NRDE2: variants seen among roughly 807,000 people sequenced by gnomAD.
The protein encoded by NRDE2 is NRDE-2, necessary for RNA interference, domain containing, also known as nuclear exosome regulator NRDE2.
NRDE2 carries 76 observed loss-of-function variants against 124.2 expected under a neutral mutation model. The observed-to-expected ratio is 0.61, with a 90% CI of 0.51 to 0.74. The LOEUF (loss-of-function observed/expected upper bound fraction) is 0.74. Ranked by LOEUF, NRDE2 falls within the 30% of genes least tolerant of loss-of-function variation. NRDE2 has a pLI of 0.00. For synonymous variants in NRDE2, 489 were observed against 528.1 expected, an observed-to-expected ratio of 0.93 and a Z score of 1.01; for missense variants, 1,314 against 1,417.3, an observed-to-expected ratio of 0.93 and a Z score of 1.17.
intron 11 of NRDE2, among the ~76,000 whole-genome samples, chr14:90,286,708 T>C (rs1306192633): frequency 1.3e-5 from 2 of 152,136 alleles, no homozygotes; most frequent in Non-Finnish European, 2.9e-5. Context: ...CCACATCGAA[T>C]CTGTCTTGAA....
In NRDE2 at chr14:90,290,537, T is replaced by A. The variant is rs1892246878; in HGVS notation, c.1913A>T (p.Glu638Val). 2 of 1,613,768 alleles carry A rather than the reference T, an allele frequency of 1.2e-6. No individual in the cohort carries two copies. Among genetic ancestry groups the A allele is most frequent in the Non-Finnish European group, 1.7e-6 (2 of 1,179,968 alleles). ...SSHDLQFQLV[E>V]AFLQFLGVPS... ...CACACCCAAGAACTGCAGGAAGGCC[T>A]CCACCAGCTGGAACTGAAGATCATG... Residue 638 changes from glutamate (E) to valine (V), a missense_variant, in exon 10 of 14, where the codon GAG becomes GTG. Transcript: ENST00000354366.
intron 1 of NRDE2, among the ~76,000 whole-genome samples, chr14:90,326,232 C>T (rs940743677): frequency 2.6e-5 from 4 of 152,140 alleles, no homozygotes; most frequent in African/African-American, 7.2e-5. Flanking sequence ...CGGTGGCTCA[C>T]GCCTGTAATC....
intron 11 of NRDE2, 63 bp from the exon 12 acceptor site, chr14:90,286,555 G>C (rs1403485728): frequency 6.4e-7 from 1 of 1,566,552 alleles, no homozygotes; most frequent in Non-Finnish European, 8.7e-7. Flanking sequence ...ACAGAAGGAA[G>C]AGATGCCTGA....
intron 10 of NRDE2, among the ~76,000 whole-genome samples, chr14:90,289,736 C>A (rs560247599): frequency 6.6e-6 from 1 of 152,188 alleles, no homozygotes; most frequent in Non-Finnish European, 1.5e-5. Flanking sequence ...TACAGGCACA[C>A]GCCACAACGC....
At chr14:90,292,148 G>A (rs977088965) in intron 9 of NRDE2, among the ~76,000 whole-genome samples, 1 of 152,152 alleles carries the variant, frequency 6.6e-6, no homozygotes, top group Non-Finnish European at 1.5e-5. Flanking sequence ...GAACTGCCTG[G>A]CACGCCACAG....
Position 90,290,242 on chromosome 14 carries a change from C to T in NRDE2, c.2208G>A (p.Trp736Ter), listed in dbSNP as rs1485742124. Residue 736 changes from tryptophan (W) to a stop codon, truncating the protein, a stop_gained, in exon 10 of 14, where the codon TGG becomes TGA. Coordinates refer to ENST00000354366, the MANE Select transcript of NRDE2 (RefSeq NM_017970.4). LOFTEE classifies it high-confidence loss of function. ...TTACCTTTGCAATCTCATACTGTAA[C>T]CAGGAGAAGCAGAGCTGGGACTTCT... ...GKEKSQLCFS[W>*]LQYEIAKVIW... 6.2e-7 allele frequency: 1 copy of T among 1,613,782 alleles called. No homozygotes were observed. Among genetic ancestry groups the T allele is most frequent in the East Asian group, 2.2e-5 (1 of 44,890 alleles).
intron 1 of NRDE2, among the ~76,000 whole-genome samples, chr14:90,327,752 C>A (rs893405210): frequency 1.3e-5 from 2 of 152,172 alleles, no homozygotes; most frequent in African/African-American, 4.8e-5. Context: ...GGCTCACGCA[C>A]TTTGGGAGGC....
chr14:90,324,398 G>C (rs773615289), intron 1 of NRDE2, among the ~76,000 whole-genome samples: 2 of 152,088 alleles, frequency 1.3e-5, no homozygotes, highest in Non-Finnish European at 2.9e-5. Context: ...ATTTTAGGCC[G>C]GGCGGGGTGG....
intron 3 of NRDE2, among the ~76,000 whole-genome samples, chr14:90,316,225 T>C (rs952754664): frequency 5.9e-5 from 9 of 152,162 alleles, no homozygotes; most frequent in Non-Finnish European, 2.9e-5. Context: ...AGAAAGAAGA[T>C]GTTTCTCCTA....
At chr14:90,306,573 G>A (rs1332628585) in intron 4 of NRDE2, among the ~76,000 whole-genome samples, 1 of 152,202 alleles carries the variant, frequency 6.6e-6, no homozygotes, top group Non-Finnish European at 1.5e-5. Context: ...CACTTTGGGA[G>A]GCTGAGGCGG....
rs1892233546 is a variant in NRDE2 at position 90,290,236 on chromosome 14, C to T, written c.2214G>A (p.Gln738=). ...CTGGAATTACCTTTGCAATCTCATA[C>T]TGTAACCAGGAGAAGCAGAGCTGGG... The part of the protein sequence containing the change: ...EKSQLCFSWL[Q]YEIAKVIWCL... Residue 738 remains glutamine (Q), a synonymous_variant, in exon 10 of 14, where the codon CAG becomes CAA. Transcript: ENST00000354366. 1 of 1,613,646 alleles carries T rather than the reference C, an allele frequency of 6.2e-7. No homozygotes were observed. The highest frequency in any genetic ancestry group is 8.5e-7 in the Non-Finnish European group (1 of 1,179,804).
At chr14:90,321,478 G>GAGA (rs1173638934) in intron 1 of NRDE2, among the ~76,000 whole-genome samples, 2 of 149,522 alleles carry the variant, frequency 1.3e-5, no homozygotes, top group Non-Finnish European at 3.0e-5. Flanking sequence ...TTGGGAAGCT[G>GAGA]AGAAGGGAGG....
At position 90,298,257 on chromosome 14, in the gene NRDE2, T is replaced by C. The variant is rs369680074; in HGVS notation, c.1666+3A>G. 4 of 1,613,244 alleles carry C rather than the reference T, an allele frequency of 2.5e-6. No homozygotes were observed. The highest frequency in any genetic ancestry group is 2.7e-5 in the African/African-American group (2 of 74,904). ...TACACGTCTTCAATGAGAGGTGACT[T>C]ACCTGGGTTGATGACCACCCAGCCA... On this transcript the variant is annotated splice_donor_region_variant and intron_variant, in intron 8 of 13. Transcript: ENST00000354366.
chr14:90,331,805 C>G (rs2139725592), intron 1 of NRDE2, 36 bp downstream of exon 1: 1 of 1,610,948 alleles, frequency 6.2e-7, no homozygotes, highest in Admixed American at 1.7e-5. Context: ...CTCTTAAGCC[C>G]CCCAGGTGCC....
At position 90,288,685 on chromosome 14, in the gene NRDE2, G is replaced by A; in HGVS notation, c.2690C>T (p.Thr897Ile). ...GCTAATTAGGCGGCTACAGGAATCG[G>A]TGGGAGCTGGATTGGAGACACAGCT... Reference protein sequence around the residue: ...GDSCVSNPAPTDSCSRLISLA... With the variant: ...GDSCVSNPAPIDSCSRLISLA... The change falls in exon 11 of 14, where the codon ACC becomes ATC. Residue 897 changes from threonine (T) to isoleucine (I), a missense_variant. Thr to Ile is a moderately conservative substitution (Grantham distance 89). Coordinates refer to ENST00000354366, the MANE Select transcript of NRDE2 (RefSeq NM_017970.4). 1 of 1,614,218 alleles carries A rather than the reference G, an allele frequency of 6.2e-7. No homozygotes were observed.
At chr14:90,320,410 G>A (rs1379869530) in intron 1 of NRDE2, among the ~76,000 whole-genome samples, 1 of 152,216 alleles carries the variant, frequency 6.6e-6, no homozygotes, top group African/African-American at 2.4e-5. Context: ...TCACTATCGT[G>A]AGAACAGCAT....
In NRDE2 at chr14:90,290,088, C is replaced by T. The variant is rs558453352; in HGVS notation, c.2229+133G>A. 228 of 918,766 alleles carry T rather than the reference C, an allele frequency of 2.5e-4. No homozygotes were observed. The African/African-American group carries it at 3.4e-3, about 14-fold the overall frequency. The allele number at this position is 918,766 out of a possible 1,614,324, so 56.9% of individuals were successfully genotyped here. ...CAGAAGGGCAAACACACACAAGGTG[C>T]CTTCAGGGTCACTGGAGGAGGAGGT... On this transcript the variant is annotated intron_variant, in intron 10 of 13. Coordinates refer to ENST00000354366, the MANE Select transcript of NRDE2 (RefSeq NM_017970.4).
intron 4 of NRDE2, among the ~76,000 whole-genome samples, chr14:90,306,850 C>T (rs938530524): frequency 6.6e-6 from 1 of 151,972 alleles, no homozygotes; most frequent in African/African-American, 2.4e-5. Context: ...CTAAACAAGG[C>T]TGCCATTCCC....
intron 4 of NRDE2, among the ~76,000 whole-genome samples, chr14:90,306,063 T>G (rs987553987): frequency 6.6e-6 from 1 of 152,180 alleles, no homozygotes; most frequent in Non-Finnish European, 1.5e-5. Context: ...CAATACAAAC[T>G]TAATGGATAC....
Sources: gnomAD v4.1 joint callset for allele counts (sites outside exome capture counted in the v4.1 genomes callset) on GRCh38, gnomAD v4.1.1 for gene constraint, MANE v1.5 for transcripts, NCBI Gene and HGNC (gene_info 2026-07-23, HGNC 2026-07-21) for gene names.